Variants in GLDC observed in about 807,000 individuals in gnomAD.
GLDC encodes the protein glycine dehydrogenase (decarboxylating), mitochondrial.
GLDC carries 104 observed loss-of-function variants against 121.3 expected under a neutral mutation model. The observed-to-expected ratio is 0.86, with a 90% CI of 0.73 to 1.01. GLDC has a LOEUF of 1.01. GLDC is among the 50% of genes least tolerant of loss of function. GLDC has a pLI of 0.00. For synonymous variants in GLDC, 546 were observed against 480.6 expected, an observed-to-expected ratio of 1.14 and a Z score of -1.78; for missense variants, 1,429 against 1,306.6, an observed-to-expected ratio of 1.09 and a Z score of -1.44.
At chr9:6,636,758 G>C (rs1819510268) in intron 2 of GLDC, among the ~76,000 whole-genome samples, 4 of 152,066 alleles carry the variant, frequency 2.6e-5, no homozygotes, top group Admixed American at 2.6e-4. Context: ...CTGGGCAACA[G>C]AGTGAGACCC....
chr9:6,554,412 T>C (rs1352536830), intron 19 of GLDC, among the ~76,000 whole-genome samples: 5 of 152,220 alleles, frequency 3.3e-5, no homozygotes, highest in Non-Finnish European at 5.9e-5. Context: ...ATTATTCTGT[T>C]AATAAACCTG....
chr9:6,606,273 G>A (rs541687554), intron 5 of GLDC: 4 of 340,808 alleles, frequency 1.2e-5, no homozygotes, highest in East Asian at 7.3e-5. Context: ...TCCCTCAACT[G>A]CACTCCAGCC....
intron 15 of GLDC, among the ~76,000 whole-genome samples, chr9:6,584,563 T>G (rs776531228): frequency 5.9e-5 from 9 of 152,342 alleles, no homozygotes; most frequent in Admixed American, 2.0e-4. Context: ...ATCACTTATA[T>G]ATGGAATATG....
At chr9:6,553,209 G>A (rs528124512) in intron 20 of GLDC, among the ~76,000 whole-genome samples, 159 bp downstream of exon 20, 6 of 152,268 alleles carry the variant, frequency 3.9e-5, no homozygotes, top group South Asian at 2.1e-4. Flanking sequence ...ATCTCTTCAG[G>A]AAGGTTTCTT....
rs140567848 is a variant in GLDC, at chr9:6,634,527, TCAAA to T, written c.334+10083_334+10086del. Among the ~76,000 whole-genome samples, 107 of 147,424 alleles carry T rather than the reference TCAAA, an allele frequency of 7.3e-4. No individual in the cohort carries two copies. The Middle Eastern group carries it at 0.01, about 14-fold the overall frequency. ...CTAGGTGACATAACCAGACCGTGTC[TCAAA>T]CAAACAAACAAACAAACAAACAAAA... is the stretch of plus-strand genomic sequence containing the variant. On this transcript the variant is annotated intron_variant, in intron 2 of 24. Coordinates refer to ENST00000321612, the MANE Select transcript of GLDC (RefSeq NM_000170.3).
At chr9:6,593,153 G>T in intron 9 of GLDC, 163 bp from the exon 10 acceptor site, 2 of 678,190 alleles carry the variant, frequency 2.9e-6, no homozygotes, top group Non-Finnish European at 5.2e-6. Context: ...TTATTATCAT[G>T]CTGTAGAAAA....
chr9:6,615,543 C>T (rs114470558), intron 3 of GLDC, among the ~76,000 whole-genome samples: 26 of 151,486 alleles, frequency 1.7e-4, no homozygotes, highest in African/African-American at 6.3e-4. Flanking sequence ...TAGAGCACCA[C>T]TGTACGCTAG....
chr9:6,553,552 C>A, intron 19 of GLDC, 43 bp from the exon 20 acceptor site: 1 of 1,596,740 alleles, frequency 6.3e-7, no homozygotes, highest in Non-Finnish European at 8.6e-7. Context: ...GTAAACGATT[C>A]AGTTTAATCT....
intron 15 of GLDC, among the ~76,000 whole-genome samples, chr9:6,578,153 TG>T (rs1208478663): frequency 1.3e-5 from 2 of 151,980 alleles, no homozygotes; most frequent in Non-Finnish European, 2.9e-5. Context: ...GACAGGATCT[TG>T]CTCTGTCACA....
intron 3 of GLDC, among the ~76,000 whole-genome samples, chr9:6,618,614 T>C (rs1819013002): frequency 6.6e-6 from 1 of 152,026 alleles, no homozygotes; most frequent in Non-Finnish European, 1.5e-5. Context: ...GCCTTTTTGG[T>C]TCTTTACATC....
chr9:6,616,871 G>A (rs916367015), intron 3 of GLDC, among the ~76,000 whole-genome samples: 1 of 152,126 alleles, frequency 6.6e-6, no homozygotes. Flanking sequence ...GGTTATGGGG[G>A]TTTGCAGGAC....
At chr9:6,544,242 G>C (rs1308813549) in intron 21 of GLDC, among the ~76,000 whole-genome samples, 1 of 152,086 alleles carries the variant, frequency 6.6e-6, no homozygotes, top group South Asian at 2.1e-4. Flanking sequence ...AGGTTTCCCC[G>C]AGAATGAGGT....
At chr9:6,554,509 A>G (rs562479355) in intron 19 of GLDC, among the ~76,000 whole-genome samples, 160 bp downstream of exon 19, 2 of 152,334 alleles carry the variant, frequency 1.3e-5, no homozygotes, top group East Asian at 3.9e-4. Flanking sequence ...ATCCCCTAAA[A>G]GCACCCATTT....
chr9:6,625,500 C>T (rs1819216404), intron 2 of GLDC, among the ~76,000 whole-genome samples: 1 of 152,120 alleles, frequency 6.6e-6, no homozygotes, highest in African/African-American at 2.4e-5. Flanking sequence ...GTAAGTGAAA[C>T]CGCTAAGGTA....
chr9:6,637,251 C>T (rs1819523034), intron 2 of GLDC, among the ~76,000 whole-genome samples: 1 of 151,648 alleles, frequency 6.6e-6, no homozygotes, highest in Non-Finnish European at 1.5e-5. Flanking sequence ...CTAAAATATA[C>T]AAAAATTAGA....
intron 15 of GLDC, among the ~76,000 whole-genome samples, chr9:6,578,106 A>T (rs914112920): frequency 4.6e-5 from 7 of 151,618 alleles, no homozygotes; most frequent in East Asian, 1.9e-4. Context: ...GTAGAGACTA[A>T]GTCTCACTAT....
At chr9:6,614,417 G>A (rs1161921051) in intron 3 of GLDC, among the ~76,000 whole-genome samples, 6 of 151,326 alleles carry the variant, frequency 4.0e-5, no homozygotes, top group Non-Finnish European at 8.8e-5. Flanking sequence ...ATATTTTTTT[G>A]TAGGGATGGA....
At chr9:6,612,493 G>C (rs185632238) in intron 3 of GLDC, among the ~76,000 whole-genome samples, 1 of 152,064 alleles carries the variant, frequency 6.6e-6, no homozygotes, top group Non-Finnish European at 1.5e-5. Context: ...TTGCACTCTG[G>C]GAGGCTGAGG....
intron 3 of GLDC, among the ~76,000 whole-genome samples, chr9:6,617,909 C>A (rs955976749): frequency 1.3e-5 from 2 of 152,192 alleles, no homozygotes; most frequent in African/African-American, 2.4e-5. Flanking sequence ...CTTAGTGAAG[C>A]CTGCATTCCC....
Sources: gnomAD v4.1 joint callset for allele counts (sites outside exome capture counted in the v4.1 genomes callset) on GRCh38, gnomAD v4.1.1 for gene constraint, MANE v1.5 for transcripts, NCBI Gene and HGNC (gene_info 2026-07-23, HGNC 2026-07-21) for gene names.